Variants in SMAD6 observed in about 807,000 individuals in gnomAD.
SMAD6 encodes MAD homolog 6.
In SMAD6, 103 loss-of-function variants were observed where a neutral mutation model predicts 39.4. The ratio of observed to expected loss-of-function variants is 2.62; its 90% CI spans 2.23 to 3.08. The LOEUF (loss-of-function observed/expected upper bound fraction) is 3.08. Among genes scored for constraint, SMAD6 ranks in the 30% most tolerant of loss-of-function variants. The pLI, the probability that SMAD6 is intolerant of heterozygous loss-of-function variation, is 0.00. For missense variants in SMAD6, 1,104 were observed against 742.9 expected (o/e 1.49, Z -5.65); for synonymous variants, 445 against 353.3 (o/e 1.26, Z -2.91).
At chr15:66,712,559 C>T (rs893238074) in intron 2 of SMAD6, among the ~76,000 whole-genome samples, 3 of 151,826 alleles carry the variant, frequency 2.0e-5, no homozygotes, top group African/African-American at 7.3e-5. Flanking sequence ...CACATGCTCC[C>T]GAGTAGCTAT....
At chr15:66,721,777 A>C (rs57183043) in intron 3 of SMAD6, among the ~76,000 whole-genome samples, 2 of 152,024 alleles carry the variant, frequency 1.3e-5, no homozygotes, top group East Asian at 1.9e-4. Flanking sequence ...TAAAAGTTAC[A>C]TTGTTTCTGC....
intron 3 of SMAD6, among the ~76,000 whole-genome samples, chr15:66,719,447 G>A (rs774960045): frequency 2.0e-4 from 30 of 152,252 alleles, no homozygotes; most frequent in African/African-American, 3.1e-4. Context: ...CACACCACTC[G>A]CTGGCCTGGC....
rs368834798 is a variant in SMAD6, at chr15:66,781,403, C to A, written c.1359C>A (p.Asp453Glu). Residue 453 changes from aspartate (D) to glutamate (E), a missense_variant, in exon 4 of 4, where the codon GAC (aspartate) becomes GAA (glutamate). Transcript: ENST00000288840. The stretch of plus-strand genomic sequence containing the variant: ...GCCTGCAGCACGCGCCCGAGCCCGA[C>A]GCCGCCGACGGCCCCTACGACCCCA... Reference protein sequence around the residue: ...RSGLQHAPEPDAADGPYDPNS... With the variant: ...RSGLQHAPEPEAADGPYDPNS... 1 of 1,603,158 alleles carries A rather than the reference C, an allele frequency of 6.2e-7. No homozygotes were observed. Among genetic ancestry groups the A allele is most frequent in the Non-Finnish European group, 8.5e-7 (1 of 1,177,890 alleles).
intron 3 of SMAD6, among the ~76,000 whole-genome samples, chr15:66,759,945 G>A (rs920914049): frequency 6.6e-6 from 1 of 152,178 alleles, no homozygotes; most frequent in Non-Finnish European, 1.5e-5. Flanking sequence ...GTCAAGGCCC[G>A]GCATGGTCTG....
Position 66,704,073 on chromosome 15 carries a change from C to G in SMAD6, c.815C>G (p.Pro272Arg), listed in dbSNP as rs1893053228. 6.8e-7 allele frequency: 1 copy of G among 1,480,714 alleles called. No individual in the cohort carries two copies. The highest frequency in any genetic ancestry group is 8.9e-7 in the Non-Finnish European group (1 of 1,123,748). 91.7% of individuals were successfully genotyped at this position (1,480,714 alleles called of 1,614,324 possible). The change falls in exon 1 of 4, where the codon CCC becomes CGC. Residue 272 changes from proline to arginine, a missense_variant and splice_region_variant. Coordinates refer to ENST00000288840, the MANE Select transcript of SMAD6 (RefSeq NM_005585.5). ...TACCACTTCAGCCGGCTCTGCGGGC[C>G]CGGTGAGCGCGCTGCGCCGGCCGGG... The part of the protein sequence containing the change: ...NPYHFSRLCG[P>R]ESPPPPYSRL...
intron 3 of SMAD6, among the ~76,000 whole-genome samples, chr15:66,749,485 G>A (rs1893962700): frequency 6.6e-6 from 1 of 152,026 alleles, no homozygotes; most frequent in Non-Finnish European, 1.5e-5. Context: ...CAAAAATTAG[G>A]CAGGCGTCGT....
chr15:66,776,986 A>G (rs1371433863), intron 3 of SMAD6, among the ~76,000 whole-genome samples: 1 of 152,174 alleles, frequency 6.6e-6, no homozygotes, highest in Non-Finnish European at 1.5e-5. Flanking sequence ...GCAGTGAGCC[A>G]TGACTGCACC....
intron 3 of SMAD6, among the ~76,000 whole-genome samples, chr15:66,732,532 T>C (rs1893647959): frequency 6.6e-6 from 1 of 152,154 alleles, no homozygotes; most frequent in African/African-American, 2.4e-5. Flanking sequence ...TATTTTATTT[T>C]ATATATTTTT....
At chr15:66,726,606 CAG>C (rs1334929543) in intron 3 of SMAD6, among the ~76,000 whole-genome samples, 1 of 152,096 alleles carries the variant, frequency 6.6e-6, no homozygotes, top group African/African-American at 2.4e-5. Flanking sequence ...GGGCGAAGGC[CAG>C]AGAGAGCTCA....
intron 3 of SMAD6, among the ~76,000 whole-genome samples, chr15:66,771,784 A>T (rs1297845979): frequency 6.6e-6 from 1 of 151,238 alleles, no homozygotes; most frequent in Non-Finnish European, 1.5e-5. Flanking sequence ...CTTCCCTGGG[A>T]CTAGCCGGGG....
Position 66,718,469 on chromosome 15 carries a change from C to A in SMAD6, c.952+1971C>A, listed in dbSNP as rs540369642. On this transcript the variant is annotated intron_variant, in intron 3 of 3. Transcript: ENST00000288840. Reference sequence around the variant, plus strand: ...AAAAGGACTGTGTTGGAAAATGTGTCCAATGCTTTAGAATTCTAAGGAGCG... The same window carrying A: ...AAAAGGACTGTGTTGGAAAATGTGTACAATGCTTTAGAATTCTAAGGAGCG... Among the ~76,000 whole-genome samples, 5 of 152,236 alleles carry A rather than the reference C, an allele frequency of 3.3e-5. No individual in the cohort carries two copies. In the East Asian group the frequency reaches 9.7e-4, roughly 29 times the overall value.
intron 3 of SMAD6, among the ~76,000 whole-genome samples, chr15:66,761,895 C>G (rs1036249009): frequency 6.2e-4 from 94 of 152,206 alleles, no homozygotes; most frequent in Non-Finnish European, 2.4e-4. Flanking sequence ...CCACCTCACC[C>G]CATGACATTC....
At chr15:66,771,385 C>T (rs1307353329) in intron 3 of SMAD6, among the ~76,000 whole-genome samples, 2 of 152,190 alleles carry the variant, frequency 1.3e-5, no homozygotes, top group Non-Finnish European at 2.9e-5. Flanking sequence ...GGAAACCTTA[C>T]CCATCACAGC....
chr15:66,759,337 AG>A (rs1555438393), intron 3 of SMAD6, among the ~76,000 whole-genome samples: 1 of 34,980 alleles, frequency 2.9e-5, no homozygotes, highest in Middle Eastern at 9.8e-3. Flanking sequence ...ACAGAGAGGA[AG>A]AGAGAGAGAG....
intron 3 of SMAD6, among the ~76,000 whole-genome samples, chr15:66,720,843 C>G (rs541023370): frequency 4.6e-5 from 7 of 152,316 alleles, no homozygotes; most frequent in African/African-American, 1.7e-4. Flanking sequence ...CTGCCCATCA[C>G]TGGGATCGCG....
Position 66,736,279 on chromosome 15 carries a change from G to A in SMAD6, c.952+19781G>A, listed in dbSNP as rs114112153. Among the ~76,000 whole-genome samples, 341 of 152,296 alleles carry A rather than the reference G, an allele frequency of 2.2e-3. 1 individual carries two copies. The highest frequency in any genetic ancestry group is 7.7e-3 in the African/African-American group (319 of 41,562). Reference sequence around the variant, plus strand: ...ATACAATGAAAAAAGTTTCACATGAGTTGTAGCGTGATGTGTCCCATCCAA... The same window carrying A: ...ATACAATGAAAAAAGTTTCACATGAATTGTAGCGTGATGTGTCCCATCCAA... On this transcript the variant is annotated intron_variant, in intron 3 of 3. Coordinates refer to ENST00000288840, the MANE Select transcript of SMAD6 (RefSeq NM_005585.5).
intron 3 of SMAD6, among the ~76,000 whole-genome samples, chr15:66,770,532 G>T (rs1282321625): frequency 1.3e-5 from 2 of 152,082 alleles, no homozygotes; most frequent in Non-Finnish European, 2.9e-5. Context: ...CTTTCCAGGG[G>T]CAATAATGAA....
chr15:66,734,544 C>A (rs75411925), intron 3 of SMAD6, among the ~76,000 whole-genome samples: 4,832 of 152,232 alleles, frequency 0.032, 259 homozygotes, highest in African/African-American at 0.11. Context: ...CTTGGCACTA[C>A]CCTTTAGCTT....
intron 1 of SMAD6, chr15:66,705,082 G>C (rs1235607831): frequency 6.6e-6 from 1 of 152,338 alleles, no homozygotes; most frequent in African/African-American, 2.4e-5. Flanking sequence ...GGGACTGGCA[G>C]GGAGTCACAG....
Sources: allele counts gnomAD v4.1 joint callset (sites outside exome capture counted in the v4.1 genomes callset), GRCh38; gene constraint gnomAD v4.1.1; transcripts MANE v1.5; gene names NCBI Gene and HGNC (gene_info 2026-07-23, HGNC 2026-07-21).